The following TTC21B variants were observed in gnomAD, a reference collection of about 807,000 sequenced individuals.
The protein encoded by TTC21B is tetratricopeptide repeat domain 21B, also known as tetratricopeptide repeat protein 21B.
TTC21B carries 127 observed loss-of-function variants against 175.1 expected under a neutral mutation model. The ratio of observed to expected loss-of-function variants is 0.73; its 90% CI spans 0.63 to 0.84. TTC21B has a LOEUF of 0.84. Ranked by LOEUF, TTC21B falls within the 40% of genes least tolerant of loss-of-function variation. The pLI, the probability that TTC21B is intolerant of heterozygous loss-of-function variation, is 0.00. For synonymous variants in TTC21B, 524 were observed against 524.5 expected, an observed-to-expected ratio of 1.00 and a Z score of 0.01; for missense variants, 1,561 against 1,558.3, an observed-to-expected ratio of 1.00 and a Z score of -0.03.
chr2:165,901,662 C>G (rs1268070324), intron 20 of TTC21B, 60 bp downstream of exon 20: 1 of 1,516,670 alleles, frequency 6.6e-7, no homozygotes, highest in Non-Finnish European at 9.1e-7. Flanking sequence ...AATTTTACAT[C>G]TGAGGAAATT....
chr2:165,952,677 T>A (rs918756307), intron 1 of TTC21B, among the ~76,000 whole-genome samples: 2 of 152,232 alleles, frequency 1.3e-5, no homozygotes, highest in African/African-American at 4.8e-5. Context: ...TATAGGGGGA[T>A]AGCTAGAACA....
intron 17 of TTC21B, 142 bp from the exon 18 acceptor site, chr2:165,911,607 T>C: frequency 1.2e-6 from 1 of 842,642 alleles, no homozygotes; most frequent in Non-Finnish European, 2.0e-6. Flanking sequence ...TGCCTGTCAA[T>C]TAAGTATGTC....
intron 11 of TTC21B, among the ~76,000 whole-genome samples, chr2:165,926,039 A>C (rs1686616175): frequency 6.6e-6 from 1 of 152,236 alleles, no homozygotes; most frequent in Non-Finnish European, 1.5e-5. Flanking sequence ...TGTTCAATTA[A>C]AATTCTAAAC....
Position 165,874,708 on chromosome 2 carries a change from G to T in TTC21B, c.*47C>A. ...TTTGAACAGGAAGAACTGAAAGTTAGATTTCTTTCATTTCCTGTTAAACCA... is the reference window on the plus strand; with the variant it reads ...TTTGAACAGGAAGAACTGAAAGTTATATTTCTTTCATTTCCTGTTAAACCA... On this transcript the variant is annotated 3_prime_UTR_variant, in exon 29 of 29. Coordinates refer to ENST00000243344, the MANE Select transcript of TTC21B (RefSeq NM_024753.5). 2 of 1,531,576 alleles carry T rather than the reference G, an allele frequency of 1.3e-6. No homozygotes were observed. Among genetic ancestry groups the T allele is most frequent in the Non-Finnish European group, 9.0e-7 (1 of 1,105,260 alleles). The allele number at this position is 1,531,576 out of a possible 1,614,324, so 94.9% of individuals were successfully genotyped here.
intron 22 of TTC21B, among the ~76,000 whole-genome samples, chr2:165,892,514 G>C (rs976613829): frequency 6.6e-6 from 1 of 152,066 alleles, no homozygotes; most frequent in Non-Finnish European, 1.5e-5. Context: ...ACATATAAAG[G>C]AATATTGTAT....
chr2:165,917,213 T>G, intron 14 of TTC21B, 44 bp downstream of exon 14: 1 of 1,542,764 alleles, frequency 6.5e-7, no homozygotes, highest in Non-Finnish European at 9.0e-7. Flanking sequence ...TATGTTAGAA[T>G]AAGAAAGTTC....
intron 14 of TTC21B, 103 bp downstream of exon 14, chr2:165,917,154 C>T: frequency 9.1e-7 from 1 of 1,098,404 alleles, no homozygotes; most frequent in Non-Finnish European, 1.4e-6. Flanking sequence ...GCTGGGATTA[C>T]AGGTGTGAGC....
chr2:165,890,793 A>T, intron 23 of TTC21B, 45 bp downstream of exon 23: 9 of 1,593,686 alleles, frequency 5.6e-6, no homozygotes, highest in Non-Finnish European at 7.7e-6. Flanking sequence ...TTGATTTACA[A>T]TGAGAAAAAA....
Position 165,911,365 on chromosome 2 carries a change from G to A in TTC21B, c.2423C>T (p.Ala808Val). 6.2e-7 allele frequency: 1 copy of A among 1,613,872 alleles called. No individual in the cohort carries two copies. Among genetic ancestry groups the A allele is most frequent in the Non-Finnish European group, 8.5e-7 (1 of 1,179,896 alleles). ...CAGAGCATGCTGAAGAACTTTTTCT[G>A]CTTTGTCATACCATTTCAATTTTAA... ...LLLKLKWYDK[A>V]EKVLQHALAH... Residue 808 changes from alanine to valine, a missense_variant, in exon 18 of 29, where the codon GCA (alanine) becomes GTA (valine). Coordinates refer to ENST00000243344, the MANE Select transcript of TTC21B (RefSeq NM_024753.5).
At chr2:165,931,697 C>T in intron 8 of TTC21B, 61 bp downstream of exon 8, 1 of 1,393,264 alleles carries the variant, frequency 7.2e-7, no homozygotes, top group Non-Finnish European at 1.0e-6. Context: ...CCACCTTTTC[C>T]ACTTATTTTA....
chr2:165,934,724 T>C (rs2105351177), intron 6 of TTC21B: 1 of 121,892 alleles, frequency 8.2e-6, no homozygotes, highest in East Asian at 2.5e-4. Context: ...ATGAGATACC[T>C]CTCTTTCAGA....
rs1380158525 is a variant in TTC21B at position 165,927,228 on chromosome 2, ATATATATATCCTAGTAGT to A, written c.1386+1889_1386+1906del. Among the ~76,000 whole-genome samples the A allele has an allele frequency of 2.9e-3, 42 of 14,702 alleles. 1 individual carries two copies. Among genetic ancestry groups the A allele is most frequent in the African/African-American group, 9.3e-3 (40 of 4,298 alleles). 9.6% of individuals were successfully genotyped at this position (14,702 alleles called of 152,430 possible). ...TATATATATCCTAGTAGTTATATAT[ATATATATATCCTAGTAGT>A]TATATATATATATATCCTAGTAGTT... On this transcript the variant is annotated intron_variant, in intron 11 of 28. Transcript: ENST00000243344.
Position 165,913,403 on chromosome 2 carries a change from A to G in TTC21B, c.2211+171T>C, listed in dbSNP as rs553141711. ...AAATAGAATCCATTTTTAAAAATTG[A>G]TATCTCCCTTTTATTTTATTTATCC... On this transcript the variant is annotated intron_variant, in intron 16 of 28. Transcript: ENST00000243344. 3.9e-5 allele frequency among the ~76,000 whole-genome samples: 6 copies of G among 152,312 alleles called. No homozygotes were observed. The South Asian group carries it at 1.2e-3, about 32-fold the overall frequency.
At chr2:165,924,349 A>G (rs1363985734) in intron 12 of TTC21B, among the ~76,000 whole-genome samples, 200 bp downstream of exon 12, 2 of 152,202 alleles carry the variant, frequency 1.3e-5, no homozygotes, top group African/African-American at 4.8e-5. Flanking sequence ...CGCTTAAGCC[A>G]CACAAGTTTA....
chr2:165,934,862 T>G (rs1320602730), intron 6 of TTC21B: 1 of 152,100 alleles, frequency 6.6e-6, no homozygotes, highest in East Asian at 1.9e-4. Context: ...AATTTGGCAG[T>G]GCCTATCAAA....
intron 2 of TTC21B, 24 bp from the exon 3 acceptor site, chr2:165,949,528 A>T (rs1358704703): frequency 1.2e-6 from 2 of 1,613,362 alleles, no homozygotes; most frequent in South Asian, 2.2e-5. Context: ...TTATGATATG[A>T]AAAACTGTTC....
At chr2:165,930,732 GGTGTGTGTGTGT>G in intron 8 of TTC21B, among the ~76,000 whole-genome samples, 1 of 110,832 alleles carries the variant, frequency 9.0e-6, no homozygotes, top group Non-Finnish European at 2.1e-5. Flanking sequence ...TGGGTATGGG[GGTGTGTGTGTGT>G]GTGTGTGTGT....
intron 21 of TTC21B, among the ~76,000 whole-genome samples, chr2:165,899,119 A>G (rs971294031): frequency 6.6e-6 from 1 of 152,230 alleles, no homozygotes; most frequent in Non-Finnish European, 1.5e-5. Context: ...AATAATAATG[A>G]GACGATTCAA....
At chr2:165,886,258 C>A (rs1226140582) in intron 25 of TTC21B, among the ~76,000 whole-genome samples, 1 of 152,100 alleles carries the variant, frequency 6.6e-6, no homozygotes, top group Non-Finnish European at 1.5e-5. Flanking sequence ...AAAGGGTCTC[C>A]CAACTCTCCT....
Sources: allele counts gnomAD v4.1 joint callset (sites outside exome capture counted in the v4.1 genomes callset), GRCh38; gene constraint gnomAD v4.1.1; transcripts MANE v1.5; gene names NCBI Gene and HGNC (gene_info 2026-07-23, HGNC 2026-07-21).